The following ATP2B1 variants were observed in gnomAD, a reference collection of about 807,000 sequenced individuals.
The protein encoded by ATP2B1 is ATPase plasma membrane Ca2+ transporting 1, also known as plasma membrane calcium-transporting ATPase 1.
Under a neutral mutation model 124.2 loss-of-function variants are expected in ATP2B1, and 14 were observed. The ratio of observed to expected loss-of-function variants is 0.11; its 90% CI spans 0.07 to 0.18. The LOEUF (loss-of-function observed/expected upper bound fraction) is 0.18, where lower values mean the gene tolerates loss of function less well. Among genes scored for constraint, ATP2B1 ranks in the 10% least tolerant of loss-of-function variants. The pLI, the probability that ATP2B1 is intolerant of heterozygous loss-of-function variation, is 1.00. For synonymous variants in ATP2B1, 449 were observed against 492.4 expected (o/e 0.91, Z 1.17); for missense variants, 763 against 1,466.1 (o/e 0.52, Z 7.83).
At chr12:89,621,381 G>C (rs1879935068) in intron 10 of ATP2B1, among the ~76,000 whole-genome samples, 168 bp downstream of exon 10, 2 of 152,020 alleles carry the variant, frequency 1.3e-5, no homozygotes, top group African/African-American at 2.4e-5. Flanking sequence ...TTGATCAGCA[G>C]ACCTCACTCA....
At position 89,634,977 on chromosome 12, in the gene ATP2B1, T is replaced by G. The variant is rs1230611710; in HGVS notation, c.661+20A>C. 1 of 1,612,994 alleles carries G rather than the reference T, an allele frequency of 6.2e-7. No homozygotes were observed. Among genetic ancestry groups the G allele is most frequent in the Admixed American group, 1.7e-5 (1 of 59,958 alleles). On this transcript the variant is annotated intron_variant, in intron 4 of 20. Transcript: ENST00000428670. Reference sequence around the variant, plus strand: ...ATTTTATGTTTAGTGTCAGATGTACTGCTCTTTTTACTTACTTACCATATT... The same window carrying G: ...ATTTTATGTTTAGTGTCAGATGTACGGCTCTTTTTACTTACTTACCATATT...
chr12:89,626,330 A>T, intron 8 of ATP2B1, 124 bp downstream of exon 8: 1 of 1,075,590 alleles, frequency 9.3e-7, no homozygotes, highest in Non-Finnish European at 1.3e-6. Flanking sequence ...AGAACTGAAA[A>T]TATTTCAAAC....
At position 89,615,503 on chromosome 12, in the gene ATP2B1, C is replaced by T. The variant is rs567406684; in HGVS notation, c.2067+1299G>A. On this transcript the variant is annotated intron_variant, in intron 12 of 20. Coordinates refer to ENST00000428670, the MANE Select transcript of ATP2B1 (RefSeq NM_001366521.1). ...TTCCTCTAGAATATAAATCTCAAGC[C>T]TATTCTGGTCACTGCAGTATTTCCA... Among the ~76,000 whole-genome samples, 13 of 152,294 alleles carry T rather than the reference C, an allele frequency of 8.5e-5. 1 individual carries two copies. The South Asian group carries it at 2.7e-3, about 32-fold the overall frequency.
chr12:89,703,639 C>T (rs1565936434), intron 1 of ATP2B1, among the ~76,000 whole-genome samples: 1 of 152,046 alleles, frequency 6.6e-6, no homozygotes, highest in African/African-American at 2.4e-5. Context: ...GACATTAAGA[C>T]ATGAAAATAA....
chr12:89,609,170 A>G (rs1877525264), intron 15 of ATP2B1, among the ~76,000 whole-genome samples: 1 of 152,198 alleles, frequency 6.6e-6, no homozygotes, highest in African/African-American at 2.4e-5. Flanking sequence ...ATAGTTTGGA[A>G]AGATAATGAG....
At chr12:89,609,154 T>A (rs1877518350) in intron 15 of ATP2B1, among the ~76,000 whole-genome samples, 1 of 152,200 alleles carries the variant, frequency 6.6e-6, no homozygotes, top group Non-Finnish European at 1.5e-5. Flanking sequence ...CGGAATTCAG[T>A]CTCTCATAGT....
intron 12 of ATP2B1, among the ~76,000 whole-genome samples, chr12:89,614,056 C>T (rs1878518613): frequency 6.6e-6 from 1 of 152,186 alleles, no homozygotes; most frequent in African/African-American, 2.4e-5. Flanking sequence ...AAAGATAAAA[C>T]TCTCCATCAA....
intron 20 of ATP2B1, among the ~76,000 whole-genome samples, chr12:89,596,557 C>A (rs569259627): frequency 6.6e-6 from 1 of 152,026 alleles, no homozygotes; most frequent in Non-Finnish European, 1.5e-5. Flanking sequence ...TGATTATATA[C>A]GGGAATTCTT....
In ATP2B1 at chr12:89,672,215, G is replaced by T. The variant is rs534130095; in HGVS notation, c.-221-16108C>A. Among the ~76,000 whole-genome samples, 18 of 152,338 alleles carry T rather than the reference G, an allele frequency of 1.2e-4. No individual in the cohort carries two copies. In the South Asian group the frequency reaches 1.2e-3, roughly 11 times the overall value. ...CACGCCTGTAATCCCAGCACTTTGG[G>T]AGGCTGAGGCAGGCAGATCACCTGA... is the stretch of plus-strand genomic sequence containing the variant. On this transcript the variant is annotated intron_variant, in intron 1 of 20. Transcript: ENST00000428670.
At chr12:89,668,457 A>G (rs1457151376) in intron 1 of ATP2B1, among the ~76,000 whole-genome samples, 1 of 152,214 alleles carries the variant, frequency 6.6e-6, no homozygotes, top group East Asian at 1.9e-4. Context: ...GGGAGAAAAA[A>G]CATACAGTTT....
At chr12:89,628,536 A>G (rs1775607266) in intron 6 of ATP2B1, among the ~76,000 whole-genome samples, 1 of 152,208 alleles carries the variant, frequency 6.6e-6, no homozygotes, top group African/African-American at 2.4e-5. Flanking sequence ...TGTATAGAAT[A>G]AGCCAGTAAG....
At position 89,593,269 on chromosome 12, in the gene ATP2B1, A is replaced by G. The variant is rs1304453985; in HGVS notation, c.3352-1974T>C. 2.6e-5 allele frequency: 4 copies of G among 152,188 alleles called. No individual in the cohort carries two copies. The East Asian group carries it at 7.7e-4, about 29-fold the overall frequency. 9.4% of individuals were successfully genotyped at this position (152,188 alleles called of 1,614,324 possible). ...GTCCTAATAACAAACTGTAAAGCTT[A>G]AAATGCAAAAAGATAACTTTCTAAA... is the stretch of plus-strand genomic sequence containing the variant. On this transcript the variant is annotated intron_variant, in intron 20 of 20. Transcript: ENST00000428670.
chr12:89,643,511 C>T (rs1053752594), intron 2 of ATP2B1, among the ~76,000 whole-genome samples: 3 of 152,180 alleles, frequency 2.0e-5, no homozygotes, highest in South Asian at 4.2e-4. Context: ...TACCTATTGT[C>T]ACTTAAGGTA....
At chr12:89,639,258 CTT>C in intron 3 of ATP2B1, among the ~76,000 whole-genome samples, 1 of 152,230 alleles carries the variant, frequency 6.6e-6, no homozygotes, top group Admixed American at 6.5e-5. Context: ...AATCTGAGCA[CTT>C]TGGGAGGCCG....
At chr12:89,619,013 T>C (rs1879486727) in intron 11 of ATP2B1, among the ~76,000 whole-genome samples, 1 of 152,052 alleles carries the variant, frequency 6.6e-6, no homozygotes, top group African/African-American at 2.4e-5. Context: ...ACTTCTTTAA[T>C]GAAATTAAAG....
At chr12:89,677,971 T>TATATATAC (rs1461216851) in intron 1 of ATP2B1, among the ~76,000 whole-genome samples, 3 of 52,306 alleles carry the variant, frequency 5.7e-5, no homozygotes, top group African/African-American at 2.1e-4. Context: ...TATATATATA[T>TATATATAC]ACACACACAC....
chr12:89,651,009 C>G (rs1885177250), intron 2 of ATP2B1, among the ~76,000 whole-genome samples: 1 of 152,182 alleles, frequency 6.6e-6, no homozygotes, highest in Admixed American at 6.5e-5. Context: ...GACTGTAAGA[C>G]AGATGCTTTC....
At chr12:89,679,808 T>C (rs1880980) in intron 1 of ATP2B1, among the ~76,000 whole-genome samples, 141,766 of 152,178 alleles carry the variant, frequency 0.93, 66,253 homozygotes, top group East Asian at 0.99. Flanking sequence ...AAATACTAAA[T>C]ACTAGAATTT....
Position 89,591,291 on chromosome 12 carries a change from C to T in ATP2B1, c.3356G>A (p.Arg1119Gln), listed in dbSNP as rs1387781828. The T allele has an allele frequency of 1.2e-6, 2 of 1,604,642 alleles. No individual in the cohort carries two copies. Among genetic ancestry groups the T allele is most frequent in the Non-Finnish European group, 1.7e-6 (2 of 1,174,694 alleles). Residue 1119 changes from arginine (R) to glutamine (Q), a missense_variant, in exon 21 of 21, where the codon CGA becomes CAA. Physicochemically the swap from Arg to Gln is conservative, Grantham distance 43 (BLOSUM62 1). This residue lies in a region of ATP2B1 where 12 missense variants were observed against 32.0 expected (regional missense o/e 0.38). Coordinates refer to ENST00000428670, the MANE Select transcript of ATP2B1 (RefSeq NM_001366521.1). ...AGAACTACGAAATGCATTCACCACT[C>T]GAATCTGTAAATATCAGAAAATACA... ...RGLNRIQTQI[R>Q]VVNAFRSSLY...
Sources: gnomAD v4.1 joint callset for allele counts (sites outside exome capture counted in the v4.1 genomes callset) on GRCh38, gnomAD v4.1.1 for gene constraint, gnomAD v4.1.1 regional missense constraint, MANE v1.5 for transcripts, NCBI Gene and HGNC (gene_info 2026-07-23, HGNC 2026-07-21) for gene names.